The following GAS7 variants were observed in gnomAD, a reference collection of about 807,000 sequenced individuals.
The protein encoded by GAS7 is growth arrest-specific protein 7.
Under a neutral mutation model 71.1 loss-of-function variants are expected in GAS7, and 28 were observed. The ratio of observed to expected loss-of-function variants is 0.39; its 90% confidence interval spans 0.29 to 0.54. The LOEUF (loss-of-function observed/expected upper bound fraction) is 0.54, where lower values mean the gene tolerates loss of function less well. GAS7 is among the 20% of genes least tolerant of loss of function. The pLI, the probability that GAS7 is intolerant of heterozygous loss-of-function variation, is 0.62. For synonymous variants in GAS7, 258 were observed against 245.8 expected, an observed-to-expected ratio of 1.05 and a Z score of -0.46; for missense variants, 436 against 627.8, an observed-to-expected ratio of 0.69 and a Z score of 3.27.
chr17:9,942,345 G>A (rs2068633187), intron 7 of GAS7, among the ~76,000 whole-genome samples: 1 of 151,826 alleles, frequency 6.6e-6, no homozygotes, highest in African/African-American at 2.4e-5. Context: ...GTGTGTGTGT[G>A]CACATGGGTG....
intron 1 of GAS7, among the ~76,000 whole-genome samples, chr17:10,087,571 C>G (rs1237373304): frequency 1.3e-5 from 2 of 152,132 alleles, no homozygotes; most frequent in African/African-American, 4.8e-5. Context: ...TGGACAGTTT[C>G]CTCAAATGGT....
chr17:9,925,585 G>A lies in GAS7; in HGVS notation c.1029C>T (p.Leu343=), dbSNP rs901302371. The A allele has an allele frequency of 6.2e-7, 1 of 1,614,056 alleles. No homozygotes were observed. Among genetic ancestry groups the A allele is most frequent in the Non-Finnish European group, 8.5e-7 (1 of 1,180,026 alleles). Residue 343 remains leucine (L), a synonymous_variant, in exon 11 of 14, where the codon CTC becomes CTT. Transcript: ENST00000432992. The stretch of plus-strand genomic sequence containing the variant: ...TCTCCAGGTCTCTCTGCCGCTCTGT[G>A]AGGGCTTTCCGGGCCTGGGGTCCAA... ...YASVEKARKA[L]TERQRDLEMK...
At chr17:10,015,147 C>CT (rs2071941447) in intron 2 of GAS7, among the ~76,000 whole-genome samples, 1 of 144,120 alleles carries the variant, frequency 6.9e-6, no homozygotes, top group South Asian at 2.2e-4. Context: ...GAGCGAGACT[C>CT]TGTCTCAAAA....
intron 1 of GAS7, among the ~76,000 whole-genome samples, chr17:10,067,950 G>C (rs2073299418): frequency 1.3e-5 from 2 of 152,206 alleles, no homozygotes; most frequent in Non-Finnish European, 2.9e-5. Context: ...GTTACGTTTT[G>C]TAAAGAATCG....
chr17:10,127,664 G>A lies in GAS7; in HGVS notation c.183+70544C>T, dbSNP rs574414043. ...CCAGATCTTGCGCAGAAAATCCCCC[G>A]ATTCCAGGGCTCTGATGGAAAGCAG... On this transcript the variant is annotated intron_variant, in intron 1 of 13. Transcript: ENST00000432992. 6.6e-5 allele frequency among the ~76,000 whole-genome samples: 10 copies of A among 152,306 alleles called. No homozygotes were observed. The South Asian group carries it at 1.2e-3, about 19-fold the overall frequency.
At chr17:9,963,781 T>A (rs571533707) in intron 4 of GAS7, among the ~76,000 whole-genome samples, 19 of 152,296 alleles carry the variant, frequency 1.2e-4, no homozygotes, top group African/African-American at 4.6e-4. Flanking sequence ...AATTGAGGAA[T>A]CTGGAGTGTA....
intron 1 of GAS7, among the ~76,000 whole-genome samples, chr17:10,066,787 T>C (rs968264755): frequency 6.6e-6 from 1 of 152,192 alleles, no homozygotes; most frequent in Non-Finnish European, 1.5e-5. Context: ...GCTCCTGGGG[T>C]CACTGAATTT....
At chr17:10,158,872 T>C (rs1443659003) in intron 1 of GAS7, among the ~76,000 whole-genome samples, 1 of 151,276 alleles carries the variant, frequency 6.6e-6, no homozygotes, top group Non-Finnish European at 1.5e-5. Flanking sequence ...CTGGGCAACA[T>C]GGTGAAACCT....
chr17:10,150,149 T>G (rs2074153032), intron 1 of GAS7, among the ~76,000 whole-genome samples: 1 of 152,176 alleles, frequency 6.6e-6, no homozygotes, highest in Admixed American at 6.5e-5. Context: ...AACTATTTTT[T>G]AAAGACCTAG....
intron 5 of GAS7, among the ~76,000 whole-genome samples, chr17:9,947,939 T>C (rs1397815681): frequency 1.3e-5 from 2 of 152,140 alleles, no homozygotes; most frequent in Admixed American, 1.3e-4. Context: ...AATGTGAAGA[T>C]GTTGAGGATG....
At chr17:10,115,520 C>T (rs556801039) in intron 1 of GAS7, among the ~76,000 whole-genome samples, 10 of 152,314 alleles carry the variant, frequency 6.6e-5, no homozygotes, top group South Asian at 2.1e-4. Context: ...AGCTGTGCCC[C>T]GGGGAAGCAC....
At chr17:10,068,035 G>A (rs2073300537) in intron 1 of GAS7, among the ~76,000 whole-genome samples, 1 of 152,072 alleles carries the variant, frequency 6.6e-6, no homozygotes, top group African/African-American at 2.4e-5. Flanking sequence ...AACTATTTTG[G>A]GATTGTGCTC....
chr17:9,946,855 C>T, intron 6 of GAS7, 39 bp downstream of exon 6: 2 of 1,384,584 alleles, frequency 1.4e-6, no homozygotes, highest in African/African-American at 1.4e-5. Context: ...CTCCCGGTCA[C>T]CGGGGTCACG....
At chr17:9,947,125 A>T (rs1597508826) in intron 5 of GAS7, 142 bp from the exon 6 acceptor site, 1 of 576,192 alleles carries the variant, frequency 1.7e-6, no homozygotes, top group East Asian at 3.1e-5. Context: ...TCCAGGGGCC[A>T]GCATTTCACA....
In GAS7 at chr17:10,075,796, G is replaced by GT. The variant is rs762072411; in HGVS notation, c.184-55900dup. The stretch of plus-strand genomic sequence containing the variant: ...GGTGACAGAGTGAGACCTTATCTCA[G>GT]TTTTAAAAAAAAAAAAAAAAGGCTG... On this transcript the variant is annotated intron_variant, in intron 1 of 13. Coordinates refer to ENST00000432992, the MANE Select transcript of GAS7 (RefSeq NM_201433.2). Among the ~76,000 whole-genome samples, 9 of 140,282 alleles carry GT rather than the reference G, an allele frequency of 6.4e-5. No individual in the cohort carries two copies. The South Asian group carries it at 7.2e-4, about 11-fold the overall frequency. The allele number at this position is 140,282 out of a possible 152,430, so 92.0% of individuals were successfully genotyped here. A position where few individuals can be genotyped will look rare whatever the true frequency, so the allele number is the denominator to read the frequency against.
At chr17:10,169,259 T>A (rs961779331) in intron 1 of GAS7, among the ~76,000 whole-genome samples, 2 of 151,794 alleles carry the variant, frequency 1.3e-5, no homozygotes, top group African/African-American at 4.9e-5. Flanking sequence ...AGAGCAAGAC[T>A]TCGACTCAAA....
At chr17:9,962,397 A>G (rs2069535350) in intron 4 of GAS7, among the ~76,000 whole-genome samples, 1 of 152,224 alleles carries the variant, frequency 6.6e-6, no homozygotes, top group African/African-American at 2.4e-5. Context: ...TACTAATTTC[A>G]AAGGCAGGTA....
At chr17:10,132,495 G>A (rs562154942) in intron 1 of GAS7, among the ~76,000 whole-genome samples, 58 of 152,326 alleles carry the variant, frequency 3.8e-4, no homozygotes, top group African/African-American at 1.4e-3. Flanking sequence ...GCCAGGCACG[G>A]TGGCTCATGC....
At chr17:9,928,354 C>T (rs1030314090) in intron 9 of GAS7, among the ~76,000 whole-genome samples, 2 of 151,572 alleles carry the variant, frequency 1.3e-5, no homozygotes, top group African/African-American at 2.4e-5. Context: ...GATCTCCTGA[C>T]CTCGTGATCC....
Sources: allele counts gnomAD v4.1 joint callset (sites outside exome capture counted in the v4.1 genomes callset), GRCh38; gene constraint gnomAD v4.1.1; transcripts MANE v1.5; gene names NCBI Gene and HGNC (gene_info 2026-07-23, HGNC 2026-07-21).